The following SHANK2 variants were observed in gnomAD, a reference collection of about 807,000 sequenced individuals.
SHANK2 encodes the protein SH3 and multiple ankyrin repeat domains 2, also known as SH3 and multiple ankyrin repeat domains protein 2.
A neutral mutation model predicts 133.7 loss-of-function variants in SHANK2; 43 were observed. The observed-to-expected ratio is 0.32, with a 90% CI of 0.25 to 0.41. The LOEUF is 0.41. Among genes scored for constraint, SHANK2 ranks in the 10% least tolerant of loss-of-function variants. The probability of loss-of-function intolerance (pLI) is 1.00; values close to 1 mark genes in which losing one functional copy is unlikely to be tolerated. For missense variants in SHANK2, 1,994 were observed against 2,235.8 expected (o/e 0.89, Z 2.18); for synonymous variants, 1,017 against 952.8 (o/e 1.07, Z -1.24).
chr11:71,059,839 G>T (rs1238621855), intron 9 of SHANK2, among the ~76,000 whole-genome samples: 1 of 152,218 alleles, frequency 6.6e-6, no homozygotes, highest in African/African-American at 2.4e-5. Flanking sequence ...TTCATCGACT[G>T]TGTAAAAAGC....
chr11:71,086,506 T>C (rs1427177043), intron 8 of SHANK2, among the ~76,000 whole-genome samples: 1 of 140,494 alleles, frequency 7.1e-6, no homozygotes, highest in African/African-American at 2.6e-5. Flanking sequence ...ATACATAATT[T>C]ATTATATATA....
chr11:70,662,659 A>G (rs1309210867), intron 15 of SHANK2, among the ~76,000 whole-genome samples: 1 of 151,660 alleles, frequency 6.6e-6, no homozygotes, highest in Non-Finnish European at 1.5e-5. Context: ...ACAAAGCTAA[A>G]GCCACAACTG....
intron 2 of SHANK2, among the ~76,000 whole-genome samples, chr11:71,201,562 T>C (rs529199428): frequency 6.6e-6 from 1 of 152,352 alleles, no homozygotes; most frequent in African/African-American, 2.4e-5. Flanking sequence ...TGAGGGTCCC[T>C]ATGAGCCGGT....
chr11:70,894,009 G>T (rs1354296315), intron 11 of SHANK2, among the ~76,000 whole-genome samples: 9 of 152,144 alleles, frequency 5.9e-5, no homozygotes, highest in Admixed American at 5.9e-4. Context: ...CAACAAATGG[G>T]CATTCCTTTT....
intron 6 of SHANK2, among the ~76,000 whole-genome samples, chr11:71,103,256 G>C (rs1951747522): frequency 6.6e-6 from 1 of 152,210 alleles, no homozygotes; most frequent in Non-Finnish European, 1.5e-5. Flanking sequence ...TGATTACAGA[G>C]CTGAGGCCTG....
chr11:70,839,148 C>T (rs1410131144), intron 11 of SHANK2, among the ~76,000 whole-genome samples: 4 of 152,228 alleles, frequency 2.6e-5, no homozygotes, highest in African/African-American at 9.6e-5. Flanking sequence ...TTTAATACAA[C>T]ACACTTGCGG....
At chr11:70,520,543 G>A (rs2059317904) in intron 17 of SHANK2, among the ~76,000 whole-genome samples, 2 of 152,162 alleles carry the variant, frequency 1.3e-5, no homozygotes, top group African/African-American at 2.4e-5. Flanking sequence ...TGTTGGTGCT[G>A]GCCCTGCTCG....
intron 10 of SHANK2, among the ~76,000 whole-genome samples, chr11:70,919,312 T>C (rs939400273): frequency 6.6e-6 from 1 of 152,152 alleles, no homozygotes; most frequent in Non-Finnish European, 1.5e-5. Flanking sequence ...TATTCAAGTA[T>C]ACAATGCATT....
intron 2 of SHANK2, among the ~76,000 whole-genome samples, chr11:71,160,099 C>T (rs1952984663): frequency 5.3e-5 from 8 of 151,954 alleles, no homozygotes; most frequent in Admixed American, 5.2e-4. Context: ...GGGTACAGTC[C>T]ATCGCAGGGG....
chr11:70,889,757 C>T (rs919780966), intron 11 of SHANK2, among the ~76,000 whole-genome samples: 3 of 152,074 alleles, frequency 2.0e-5, no homozygotes, highest in Admixed American at 6.6e-5. Flanking sequence ...TTAGGGCAGG[C>T]GAGTCAAGAT....
intron 14 of SHANK2, among the ~76,000 whole-genome samples, chr11:70,771,789 CATAAATAAT>C (rs1947256771): frequency 6.6e-6 from 1 of 152,160 alleles, no homozygotes; most frequent in African/African-American, 2.4e-5. Context: ...TTTGGAGGTT[CATAAATAAT>C]GAACACTTCC....
At chr11:70,904,446 A>G (rs1950069935) in intron 10 of SHANK2, among the ~76,000 whole-genome samples, 1 of 151,564 alleles carries the variant, frequency 6.6e-6, no homozygotes, top group Non-Finnish European at 1.5e-5. Context: ...CCCCACCCAA[A>G]TCTCATCTCA....
chr11:70,850,831 C>T (rs199762909), intron 11 of SHANK2, among the ~76,000 whole-genome samples: 2 of 152,234 alleles, frequency 1.3e-5, no homozygotes, highest in East Asian at 1.9e-4. Context: ...TGAGTCCAGA[C>T]CAGCTGAAAC....
chr11:70,629,225 G>A (rs1334735563), intron 17 of SHANK2, among the ~76,000 whole-genome samples: 1 of 152,094 alleles, frequency 6.6e-6, no homozygotes, highest in Non-Finnish European at 1.5e-5. Context: ...TGTGTTCTCC[G>A]CTGAGCCACA....
At chr11:70,868,419 A>C (rs1423378084) in intron 11 of SHANK2, among the ~76,000 whole-genome samples, 1 of 152,234 alleles carries the variant, frequency 6.6e-6, no homozygotes, top group Non-Finnish European at 1.5e-5. Context: ...CAATGACAAC[A>C]GTCAAGAGTC....
At chr11:70,643,565 C>CG (rs1243418671) in intron 17 of SHANK2, among the ~76,000 whole-genome samples, 2 of 112,742 alleles carry the variant, frequency 1.8e-5, no homozygotes, top group Admixed American at 1.1e-4. Context: ...GACTCCGTCT[C>CG]GGAAAAAAAA....
intron 17 of SHANK2, among the ~76,000 whole-genome samples, chr11:70,653,261 C>A (rs1479371748): frequency 6.6e-6 from 1 of 152,172 alleles, no homozygotes; most frequent in Non-Finnish European, 1.5e-5. Flanking sequence ...GCGTGAGCCA[C>A]TGCACCCGGC....
chr11:70,720,002 C>A (rs568859163), intron 14 of SHANK2, among the ~76,000 whole-genome samples: 2 of 152,146 alleles, frequency 1.3e-5, no homozygotes, highest in Admixed American at 1.3e-4. Context: ...GTGGGTGACC[C>A]CAGGCAGGTT....
chr11:70,713,703 C>A (rs1335718718), intron 14 of SHANK2, among the ~76,000 whole-genome samples: 2 of 152,178 alleles, frequency 1.3e-5, no homozygotes, highest in Non-Finnish European at 2.9e-5. Context: ...GGGTGTCCGT[C>A]ACAGCGCCGG....
Sources: gnomAD v4.1 joint callset for allele counts (sites outside exome capture counted in the v4.1 genomes callset) on GRCh38, gnomAD v4.1.1 for gene constraint, MANE v1.5 for transcripts, NCBI Gene and HGNC (gene_info 2026-07-23, HGNC 2026-07-21) for gene names.